Variants in CD8B2 observed in about 807,000 individuals in gnomAD.
The protein encoded by CD8B2 is CD8B family member 2, also known as T-cell surface glycoprotein CD8 beta-2 chain.
A neutral mutation model predicts 23.7 loss-of-function variants in CD8B2; 11 were observed. The observed-to-expected ratio is 0.46, with a 90% CI of 0.29 to 0.77. The LOEUF is 0.77. CD8B2 is among the 30% of genes least tolerant of loss of function. CD8B2 has a pLI of 0.09. For synonymous variants in CD8B2, 90 were observed against 109.3 expected (o/e 0.82, Z 1.10); for missense variants, 197 against 270.5 (o/e 0.73, Z 1.91).
chr2:106,539,321 G>A (rs1164930655), intron 5 of CD8B2, among the ~76,000 whole-genome samples: 1 of 152,196 alleles, frequency 6.6e-6, no homozygotes, highest in Non-Finnish European at 1.5e-5. Context: ...GAAATAAATG[G>A]ATGAATAAGT....
Position 106,510,546 on chromosome 2 carries a change from T to C in CD8B2, c.*3606T>C, listed in dbSNP as rs966716001. Reference sequence around the variant, plus strand: ...GAGTTTGAGAGCAGCCTAGGCAACATAGCAAGACCTCGACTCTACAAAAAA... The same window carrying C: ...GAGTTTGAGAGCAGCCTAGGCAACACAGCAAGACCTCGACTCTACAAAAAA... On this transcript the variant is annotated 3_prime_UTR_variant, in exon 6 of 6. Transcript: ENST00000643224. 6.6e-6 allele frequency: 1 copy of C among 152,026 alleles called. No individual in the cohort carries two copies. The highest frequency in any genetic ancestry group is 1.5e-5 in the Non-Finnish European group (1 of 68,014). 9.4% of individuals were successfully genotyped at this position (152,026 alleles called of 1,614,324 possible).
Position 106,537,249 on chromosome 2 carries a change from AT to A in CD8B2, c.621-6740del, listed in dbSNP as rs533432133. ...ACTTCCCTATGTGTGTTTTAAACAC[AT>A]TTAATAAACCATGGGCTCATCACAA... On this transcript the variant is annotated intron_variant, in intron 5 of 5. Transcript: ENST00000416057. 7.9e-5 allele frequency among the ~76,000 whole-genome samples: 12 copies of A among 152,292 alleles called. No homozygotes were observed. The South Asian group carries it at 2.5e-3, about 32-fold the overall frequency.
chr2:106,515,470 G>A (rs1679715451), downstream of CD8B2, among the ~76,000 whole-genome samples: 1 of 152,130 alleles, frequency 6.6e-6, no homozygotes, highest in Admixed American at 6.5e-5. Flanking sequence ...CCCCATGATG[G>A]GATTAGTGCC....
At chr2:106,497,413 T>C (rs1293610402) in intron 3 of CD8B2, among the ~76,000 whole-genome samples, 7 of 151,878 alleles carry the variant, frequency 4.6e-5, no homozygotes, top group African/African-American at 1.7e-4. Flanking sequence ...TGTACGCACA[T>C]ACACACACAC....
At chr2:106,537,819 G>A (rs1253904656) in intron 5 of CD8B2, among the ~76,000 whole-genome samples, 3 of 152,166 alleles carry the variant, frequency 2.0e-5, no homozygotes, top group Non-Finnish European at 2.9e-5. Context: ...TAGCACGAAG[G>A]AAAAACAAAC....
At chr2:106,504,109 A>G (rs547186629) in intron 4 of CD8B2, among the ~76,000 whole-genome samples, 180 bp from the exon 5 acceptor site, 3 of 152,260 alleles carry the variant, frequency 2.0e-5, no homozygotes, top group Admixed American at 1.3e-4. Flanking sequence ...GTAGTATCCA[A>G]CTCAGGTTTT....
chr2:106,519,379 T>C (rs1679783629), intron 5 of CD8B2, among the ~76,000 whole-genome samples: 1 of 152,194 alleles, frequency 6.6e-6, no homozygotes, highest in Non-Finnish European at 1.5e-5. Flanking sequence ...AACACATCCT[T>C]TGACTTCTGA....
rs2104563001 is a variant in CD8B2, at chr2:106,510,747, C to T, written c.*3807C>T. Reference sequence around the variant, plus strand: ...ACCTTGTCTCAAAAATAAATTTTTTCTAAAAAAAGTTTCTTGTTTTTTTTT... The same window carrying T: ...ACCTTGTCTCAAAAATAAATTTTTTTTAAAAAAAGTTTCTTGTTTTTTTTT... On this transcript the variant is annotated 3_prime_UTR_variant, in exon 6 of 6. Coordinates refer to ENST00000643224, the MANE Select transcript of CD8B2 (RefSeq NM_001349727.2). The T allele has an allele frequency of 6.6e-6, 1 of 151,796 alleles. No individual in the cohort carries two copies. Among genetic ancestry groups the T allele is most frequent in the South Asian group, 2.1e-4 (1 of 4,802 alleles). 9.4% of individuals were successfully genotyped at this position (151,796 alleles called of 1,614,324 possible).
intron 5 of CD8B2, among the ~76,000 whole-genome samples, chr2:106,528,899 C>A (rs1679952423): frequency 6.6e-6 from 1 of 152,228 alleles, no homozygotes; most frequent in Admixed American, 6.5e-5. Flanking sequence ...TAGGTTGTGG[C>A]AGAGACAGTA....
intron 5 of CD8B2, among the ~76,000 whole-genome samples, chr2:106,540,201 T>A (rs965570723): frequency 1.5e-5 from 2 of 129,592 alleles, no homozygotes; most frequent in Non-Finnish European, 3.2e-5. Flanking sequence ...TTAAAAAAAA[T>A]ATCCAAGTAT....
At chr2:106,487,507 T>A in intron 1 of CD8B2, 38 bp downstream of exon 1, 2 of 1,166,766 alleles carry the variant, frequency 1.7e-6, no homozygotes, top group Non-Finnish European at 1.1e-6. Context: ...AGGTCTGCGC[T>A]CCCGGGGCCT....
intron 5 of CD8B2, 126 bp downstream of exon 5, chr2:106,504,451 G>T (rs1679467658): frequency 6.5e-7 from 1 of 1,528,900 alleles, no homozygotes; most frequent in Admixed American, 2.0e-5. Context: ...GCCGGGCGTG[G>T]TAGTGCACAC....
intron 5 of CD8B2, among the ~76,000 whole-genome samples, chr2:106,536,030 CTTTT>C (rs869103310): frequency 4.8e-5 from 6 of 123,892 alleles, no homozygotes; most frequent in Admixed American, 8.6e-5. Flanking sequence ...GCCACACACA[CTTTT>C]TTTTTTTTTT....
intron 5 of CD8B2, among the ~76,000 whole-genome samples, chr2:106,542,345 C>T (rs922007321): frequency 6.6e-6 from 1 of 152,166 alleles, no homozygotes; most frequent in Non-Finnish European, 1.5e-5. Context: ...GACTTATACA[C>T]ATATGAGGTG....
chr2:106,505,642 A>G (rs1399433571), intron 5 of CD8B2, among the ~76,000 whole-genome samples: 1 of 152,246 alleles, frequency 6.6e-6, no homozygotes, highest in Non-Finnish European at 1.5e-5. Context: ...AATTCATATT[A>G]CTATATGCTC....
At chr2:106,527,460 G>A (rs925338130) in intron 5 of CD8B2, among the ~76,000 whole-genome samples, 1 of 152,182 alleles carries the variant, frequency 6.6e-6, no homozygotes, top group African/African-American at 2.4e-5. Context: ...GCTACCAACA[G>A]TCTGCCCCTC....
chr2:106,505,677 A>G (rs1679491235), intron 5 of CD8B2, among the ~76,000 whole-genome samples: 1 of 152,222 alleles, frequency 6.6e-6, no homozygotes, highest in Non-Finnish European at 1.5e-5. Context: ...CATTATATTT[A>G]TATCGAGAGT....
intron 1 of CD8B2, among the ~76,000 whole-genome samples, chr2:106,490,078 TG>T (rs1040541053): frequency 6.6e-6 from 1 of 151,974 alleles, no homozygotes; most frequent in African/African-American, 2.4e-5. Flanking sequence ...TCGGGGGTCA[TG>T]GGCTGTAATT....
rs1362754998 is a variant in CD8B2 at position 106,493,069 on chromosome 2, T to TCCAAACC, written c.403+1846_403+1852dup. 1.3e-4 allele frequency among the ~76,000 whole-genome samples: 20 copies of TCCAAACC among 152,172 alleles called. No individual in the cohort carries two copies. In the South Asian group the frequency reaches 1.5e-3, roughly 11 times the overall value. ...CGCACTCACTCCTGACTTCAGTGTT[T>TCCAAACC]CCAAACCCCAAACCCCTCCCAGCAC... On this transcript the variant is annotated intron_variant, in intron 2 of 5. Transcript: ENST00000643224.
Sources: gnomAD v4.1 joint callset for allele counts (sites outside exome capture counted in the v4.1 genomes callset) on GRCh38, gnomAD v4.1.1 for gene constraint, MANE v1.5 for transcripts, NCBI Gene and HGNC (gene_info 2026-07-23, HGNC 2026-07-21) for gene names.